ADAM23: variants seen among roughly 807,000 people sequenced by gnomAD.
The protein encoded by ADAM23 is disintegrin and metalloproteinase domain-containing protein 23.
In ADAM23, 33 loss-of-function variants were observed where a neutral mutation model predicts 120.1. That is an observed-to-expected ratio of 0.27 (90% CI 0.21 to 0.37). The LOEUF is 0.37. ADAM23 is among the 10% of genes least tolerant of loss of function. The pLI is 1.00. For missense variants in ADAM23, 862 were observed against 1,058.2 expected (o/e 0.81, Z 2.57); for synonymous variants, 367 against 375.2 (o/e 0.98, Z 0.25).
Position 206,576,728 on chromosome 2 carries a change from T to C in ADAM23, c.1737+3533T>C, listed in dbSNP as rs924772363. The stretch of plus-strand genomic sequence containing the variant: ...CTCATAATGTGTTTTTCTTAATTTT[T>C]ATATTAGCATTTACTGATGCCTCAG... On this transcript the variant is annotated intron_variant, in intron 18 of 25. Coordinates refer to ENST00000264377, the MANE Select transcript of ADAM23 (RefSeq NM_003812.4). 2.5e-4 allele frequency among the ~76,000 whole-genome samples: 38 copies of C among 152,200 alleles called. 1 individual carries two copies. Among genetic ancestry groups the C allele is most frequent in the Admixed American group, 2.5e-3 (38 of 15,262 alleles).
At position 206,443,963 on chromosome 2, in the gene ADAM23, GTGCC is replaced by G; in HGVS notation, c.102_105del (p.Ser36ProfsTer132). 7.5e-7 allele frequency: 1 copy of G among 1,333,966 alleles called. No homozygotes were observed. 82.6% of individuals were successfully genotyped at this position (1,333,966 alleles called of 1,614,324 possible). Reference sequence around the variant, plus strand: ...CCCCCAACGCGGCCCCGCCGGCTCGGTGCCTGCCAGCGCCCCGGCCCGCACGCCG... The same window carrying G: ...CCCCCAACGCGGCCCCGCCGGCTCGGTGCCAGCGCCCCGGCCCGCACGCCG... On this transcript the variant is annotated frameshift_variant, in exon 1 of 26. Transcript: ENST00000264377. LOFTEE classifies it high-confidence loss of function.
intron 2 of ADAM23, among the ~76,000 whole-genome samples, chr2:206,480,963 A>G (rs1046252874): frequency 2.0e-5 from 3 of 152,206 alleles, no homozygotes; most frequent in Non-Finnish European, 4.4e-5. Flanking sequence ...TTGTAAGTCC[A>G]GCAGAATATG....
At chr2:206,606,528 G>A (rs978154748) in intron 24 of ADAM23, 1 of 152,158 alleles carries the variant, frequency 6.6e-6, no homozygotes, top group Non-Finnish European at 1.5e-5. Flanking sequence ...ATCCAAACCT[G>A]TATAACCATA....
intron 21 of ADAM23, among the ~76,000 whole-genome samples, chr2:206,591,395 C>A (rs1239961529): frequency 6.6e-6 from 1 of 152,108 alleles, no homozygotes; most frequent in African/African-American, 2.4e-5. Flanking sequence ...CCTAATGCTT[C>A]ATGTATTATT....
At chr2:206,533,547 A>G (rs946137107) in intron 4 of ADAM23, among the ~76,000 whole-genome samples, 2 of 152,202 alleles carry the variant, frequency 1.3e-5, no homozygotes, top group Non-Finnish European at 2.9e-5. Flanking sequence ...CACACATTGT[A>G]CACACACATG....
chr2:206,496,312 C>T (rs1696246517), intron 3 of ADAM23, among the ~76,000 whole-genome samples: 3 of 152,176 alleles, frequency 2.0e-5, no homozygotes, highest in Non-Finnish European at 4.4e-5. Flanking sequence ...TCTCAGACCA[C>T]AGTGCAATCA....
At position 206,476,096 on chromosome 2, in the gene ADAM23, T is replaced by C. The variant is rs141143146; in HGVS notation, c.433-5136T>C. Among the ~76,000 whole-genome samples the C allele has an allele frequency of 3.5e-4, 53 of 152,292 alleles. No individual in the cohort carries two copies. In the East Asian group the frequency reaches 9.8e-3, roughly 28 times the overall value. ...CTTTTGCGGTCTCTAATGCCCTCTT[T>C]CCTGAAGCCGAGACCTGTAGCCCTC... On this transcript the variant is annotated intron_variant, in intron 2 of 25. Transcript: ENST00000264377.
intron 24 of ADAM23, among the ~76,000 whole-genome samples, chr2:206,601,195 A>G (rs577053999): frequency 5.3e-5 from 8 of 152,318 alleles, no homozygotes; most frequent in South Asian, 2.1e-4. Context: ...TCACCATTGT[A>G]AGAAGGAAGA....
At position 206,570,723 on chromosome 2, in the gene ADAM23, G is replaced by A; in HGVS notation, c.1495-17G>A. 6.2e-7 allele frequency: 1 copy of A among 1,609,618 alleles called. No individual in the cohort carries two copies. Among genetic ancestry groups the A allele is most frequent in the Admixed American group, 1.7e-5 (1 of 59,978 alleles). ...ATAAATTGAAACATTTTTCCCTTCT[G>A]TCCCTAATCTCTTTAGCTATTTGAG... is the stretch of plus-strand genomic sequence containing the variant. On this transcript the variant is annotated splice_polypyrimidine_tract_variant and intron_variant, in intron 15 of 25. Transcript: ENST00000264377.
At chr2:206,484,843 G>A (rs917122401) in intron 3 of ADAM23, among the ~76,000 whole-genome samples, 2 of 152,094 alleles carry the variant, frequency 1.3e-5, no homozygotes, top group African/African-American at 2.4e-5. Context: ...TCATGGGGGC[G>A]GGTTTTTCCC....
intron 12 of ADAM23, among the ~76,000 whole-genome samples, 169 bp downstream of exon 12, chr2:206,561,381 G>A (rs1697762306): frequency 6.6e-6 from 1 of 152,144 alleles, no homozygotes; most frequent in Admixed American, 6.6e-5. Context: ...GGTTCATAGT[G>A]ACATATTTTG....
intron 3 of ADAM23, among the ~76,000 whole-genome samples, chr2:206,513,991 G>T (rs1339787594): frequency 6.6e-6 from 1 of 152,144 alleles, no homozygotes; most frequent in Non-Finnish European, 1.5e-5. Context: ...GACAAAAAAA[G>T]ATTCCTTTTT....
intron 15 of ADAM23, among the ~76,000 whole-genome samples, chr2:206,568,406 C>T (rs1303447837): frequency 6.6e-6 from 1 of 152,114 alleles, no homozygotes; most frequent in Non-Finnish European, 1.5e-5. Flanking sequence ...AAAACTTGTC[C>T]TAAACTGAAA....
At chr2:206,554,878 C>G (rs574884390) in intron 9 of ADAM23, among the ~76,000 whole-genome samples, 1 of 152,166 alleles carries the variant, frequency 6.6e-6, no homozygotes, top group Non-Finnish European at 1.5e-5. Context: ...TTGTCTTACT[C>G]TCTCAGCAAT....
chr2:206,596,248 A>G, intron 24 of ADAM23, 86 bp downstream of exon 24: 1 of 957,036 alleles, frequency 1.0e-6, no homozygotes, highest in South Asian at 1.6e-5. Flanking sequence ...TAATTGACTT[A>G]AGAGGAGACA....
intron 2 of ADAM23, among the ~76,000 whole-genome samples, chr2:206,450,143 G>A (rs1695162976): frequency 6.6e-6 from 1 of 152,154 alleles, no homozygotes; most frequent in Non-Finnish European, 1.5e-5. Flanking sequence ...TCTCTGCCAT[G>A]AGATGTTAGC....
intron 3 of ADAM23, among the ~76,000 whole-genome samples, chr2:206,488,413 C>T (rs1003916339): frequency 6.6e-6 from 1 of 152,100 alleles, no homozygotes; most frequent in Non-Finnish European, 1.5e-5. Flanking sequence ...CCATGGGACT[C>T]CTACAGGAGG....
intron 3 of ADAM23, among the ~76,000 whole-genome samples, chr2:206,527,442 T>G (rs901489694): frequency 2.6e-5 from 4 of 152,246 alleles, no homozygotes; most frequent in Admixed American, 2.0e-4. Flanking sequence ...TTAGTGTTTC[T>G]TGTCCATCAT....
At chr2:206,512,899 T>G (rs1339854649) in intron 3 of ADAM23, among the ~76,000 whole-genome samples, 1 of 152,208 alleles carries the variant, frequency 6.6e-6, no homozygotes, top group Non-Finnish European at 1.5e-5. Flanking sequence ...ACTTTTTCAT[T>G]ATTATTTAAA....
Sources: gnomAD v4.1 joint callset for allele counts (sites outside exome capture counted in the v4.1 genomes callset) on GRCh38, gnomAD v4.1.1 for gene constraint, MANE v1.5 for transcripts, NCBI Gene and HGNC (gene_info 2026-07-23, HGNC 2026-07-21) for gene names.